EPB41L4B: variants seen among roughly 807,000 people sequenced by gnomAD.
The protein encoded by EPB41L4B is band 4.1-like protein 4B.
EPB41L4B carries 30 observed loss-of-function variants against 112.5 expected under a neutral mutation model. The ratio of observed to expected loss-of-function variants is 0.27; its 90% CI spans 0.20 to 0.36. The LOEUF (loss-of-function observed/expected upper bound fraction) is 0.36. EPB41L4B is among the 10% of genes least tolerant of loss of function. EPB41L4B has a pLI of 1.00. For missense variants in EPB41L4B, 1,024 were observed against 1,133.3 expected (o/e 0.90, Z 1.38); for synonymous variants, 408 against 439.7 (o/e 0.93, Z 0.90).
At chr9:109,269,429 G>A (rs867710458) in intron 2 of EPB41L4B, among the ~76,000 whole-genome samples, 3 of 152,130 alleles carry the variant, frequency 2.0e-5, no homozygotes, top group Non-Finnish European at 4.4e-5. Context: ...GCTGTCCTAA[G>A]GAGTCTCAGC....
At chr9:109,236,418 T>TAAAA (rs35103664) in intron 15 of EPB41L4B, among the ~76,000 whole-genome samples, 1 of 140,808 alleles carries the variant, frequency 7.1e-6, no homozygotes, top group Non-Finnish European at 1.6e-5. Context: ...TATGCCTATT[T>TAAAA]AAAAAAAAAA....
chr9:109,317,116 C>CAA (rs1054965469), intron 1 of EPB41L4B, among the ~76,000 whole-genome samples: 16 of 151,778 alleles, frequency 1.1e-4, no homozygotes, highest in Non-Finnish European at 2.2e-4. Flanking sequence ...AAAAACAAAA[C>CAA]AAAAAAAAGA....
At chr9:109,206,308 C>T (rs1434764937) in intron 18 of EPB41L4B, among the ~76,000 whole-genome samples, 2 of 152,082 alleles carry the variant, frequency 1.3e-5, no homozygotes, top group Non-Finnish European at 2.9e-5. Context: ...CTCAGCCTCC[C>T]GAGTAGTAGG....
At chr9:109,246,290 T>C (rs754566517) in intron 14 of EPB41L4B, among the ~76,000 whole-genome samples, 4 of 152,014 alleles carry the variant, frequency 2.6e-5, no homozygotes, top group Non-Finnish European at 4.4e-5. Context: ...TAACCCCAGA[T>C]ACTTGGGAGG....
intron 1 of EPB41L4B, among the ~76,000 whole-genome samples, chr9:109,292,867 G>A (rs1036764556): frequency 6.6e-6 from 1 of 152,192 alleles, no homozygotes; most frequent in African/African-American, 2.4e-5. Context: ...CTCTAGAAGA[G>A]CCAGCTACCA....
At chr9:109,229,998 T>C (rs1833902627) in intron 15 of EPB41L4B, among the ~76,000 whole-genome samples, 1 of 152,178 alleles carries the variant, frequency 6.6e-6, no homozygotes, top group South Asian at 2.1e-4. Flanking sequence ...TCAAGTAGTG[T>C]GTTTTTACAG....
chr9:109,251,111 C>T (rs1471324560), intron 13 of EPB41L4B, among the ~76,000 whole-genome samples: 1 of 152,262 alleles, frequency 6.6e-6, no homozygotes, highest in Non-Finnish European at 1.5e-5. Flanking sequence ...CTGAGCAAAT[C>T]TAGCATCTGC....
chr9:109,193,440 A>T (rs1356037554), intron 21 of EPB41L4B, among the ~76,000 whole-genome samples: 1 of 152,226 alleles, frequency 6.6e-6, no homozygotes, highest in African/African-American at 2.4e-5. Flanking sequence ...TCCCATTTTT[A>T]AGAGGAAGAA....
chr9:109,216,783 C>T, intron 16 of EPB41L4B, 139 bp downstream of exon 16: 1 of 877,844 alleles, frequency 1.1e-6, no homozygotes. Flanking sequence ...TCTACTCTGG[C>T]CCAAACCCGG....
In EPB41L4B at chr9:109,175,740, C is replaced by T. The variant is rs558745747; in HGVS notation, c.2633+811G>A. On this transcript the variant is annotated intron_variant, in intron 25 of 25. Transcript: ENST00000374566. ...TTCAGGGTAGAAAACAAAGTTTCTA[C>T]TGTAGCCAACAAGGCCCTACGCAGT... Among the ~76,000 whole-genome samples, 35 of 152,258 alleles carry T rather than the reference C, an allele frequency of 2.3e-4. No individual in the cohort carries two copies. In the South Asian group the frequency reaches 6.2e-3, roughly 27 times the overall value.
At chr9:109,225,713 G>T (rs974399078) in intron 15 of EPB41L4B, among the ~76,000 whole-genome samples, 3 of 152,170 alleles carry the variant, frequency 2.0e-5, no homozygotes, top group African/African-American at 4.8e-5. Context: ...TGGGGTAGGG[G>T]TGCCCAACCC....
chr9:109,241,089 T>C, intron 15 of EPB41L4B: 16 of 985,622 alleles, frequency 1.6e-5, no homozygotes, highest in Non-Finnish European at 1.8e-5. Flanking sequence ...CAGTTTTCCT[T>C]GTGATAAAAT....
intron 2 of EPB41L4B, among the ~76,000 whole-genome samples, chr9:109,273,471 T>C (rs1295603346): frequency 6.6e-6 from 1 of 152,178 alleles, no homozygotes; most frequent in Non-Finnish European, 1.5e-5. Flanking sequence ...GGTCTTGAAC[T>C]CCTGACCTCA....
chr9:109,307,864 T>A (rs1837270480), intron 1 of EPB41L4B, among the ~76,000 whole-genome samples: 1 of 152,102 alleles, frequency 6.6e-6, no homozygotes, highest in South Asian at 2.1e-4. Flanking sequence ...AGAGGCTCGC[T>A]GGATGTCGCT....
intron 1 of EPB41L4B, among the ~76,000 whole-genome samples, chr9:109,299,537 C>T (rs1351727036): frequency 6.6e-5 from 10 of 152,044 alleles, no homozygotes. Flanking sequence ...TCTTTCTTGC[C>T]TGAGCTTCCC....
chr9:109,250,061 T>C (rs1834723945), intron 13 of EPB41L4B, among the ~76,000 whole-genome samples: 1 of 152,178 alleles, frequency 6.6e-6, no homozygotes, highest in African/African-American at 2.4e-5. Flanking sequence ...GGCCTCTCCC[T>C]CCCCACTCGG....
intron 13 of EPB41L4B, among the ~76,000 whole-genome samples, 172 bp downstream of exon 13, chr9:109,251,309 T>A (rs543800981): frequency 4.5e-4 from 69 of 152,312 alleles, no homozygotes; most frequent in Non-Finnish European, 8.8e-4. Flanking sequence ...AACATTATAT[T>A]GTGTACTTAT....
intron 1 of EPB41L4B, 78 bp downstream of exon 1, chr9:109,320,063 C>G (rs1311598204): frequency 8.1e-7 from 1 of 1,232,752 alleles, no homozygotes; most frequent in Non-Finnish European, 1.0e-6. Context: ...GAAGCGCCCC[C>G]GATGCAAGCA....
At position 109,193,300 on chromosome 9, in the gene EPB41L4B, A is replaced by G. The variant is rs778745143; in HGVS notation, c.2223+920T>C. 4.9e-4 allele frequency among the ~76,000 whole-genome samples: 75 copies of G among 152,304 alleles called. 1 individual carries two copies. The highest frequency in any genetic ancestry group is 1.0e-3 in the South Asian group (5 of 4,818). ...TTGGTAATGCAGGAGGTGGCCCTGG[A>G]CCATTATTCTTCAGCTGTCACCAGG... is the stretch of plus-strand genomic sequence containing the variant. On this transcript the variant is annotated intron_variant, in intron 21 of 25. Coordinates refer to ENST00000374566, the MANE Select transcript of EPB41L4B (RefSeq NM_019114.5).
Sources: gnomAD v4.1 joint callset for allele counts (sites outside exome capture counted in the v4.1 genomes callset) on GRCh38, gnomAD v4.1.1 for gene constraint, MANE v1.5 for transcripts, NCBI Gene and HGNC (gene_info 2026-07-23, HGNC 2026-07-21) for gene names.